The following MGAT4D variants were observed in gnomAD, a reference collection of about 807,000 sequenced individuals.
MGAT4D encodes MGAT4 family member D, also known as alpha-1,3-mannosyl-glycoprotein 4-beta-N-acetylglucosaminyltransferase-like protein MGAT4D.
Under a neutral mutation model 15.9 loss-of-function variants are expected in MGAT4D, and 34 were observed. The ratio of observed to expected loss-of-function variants is 2.14; its 90% CI spans 1.62 to 2.84. The LOEUF (loss-of-function observed/expected upper bound fraction) is 2.84. Ranked by LOEUF, MGAT4D falls within the 30% of genes most tolerant of loss-of-function variation. The probability of loss-of-function intolerance (pLI) is 0.00; values close to 1 mark genes in which losing one functional copy is unlikely to be tolerated. For synonymous variants in MGAT4D, 112 were observed against 48.2 expected, an observed-to-expected ratio of 2.33 and a Z score of -5.49; for missense variants, 327 against 140.2, an observed-to-expected ratio of 2.33 and a Z score of -6.73.
At chr4:140,477,287 G>C (rs1173608766) in intron 3 of MGAT4D, among the ~76,000 whole-genome samples, 2 of 151,996 alleles carry the variant, frequency 1.3e-5, no homozygotes, top group African/African-American at 4.8e-5. Context: ...GCTTCACCCT[G>C]GTATTTCCCT....
intron 1 of MGAT4D, among the ~76,000 whole-genome samples, chr4:140,495,902 T>C (rs1333613255): frequency 6.6e-6 from 1 of 152,044 alleles, no homozygotes; most frequent in African/African-American, 2.4e-5. Flanking sequence ...GCCCAGCTAA[T>C]TTTTGTATTT....
Position 140,486,715 on chromosome 4 carries a change from G to A in MGAT4D, c.95-4230C>T, listed in dbSNP as rs186543495. On this transcript the variant is annotated intron_variant, in intron 1 of 10. Transcript: ENST00000511113. ...ATAGTTCTTATACAAATATATGCTC[G>A]ATGAATAAATAATGAAATGAATGGA... 6.7e-4 allele frequency among the ~76,000 whole-genome samples: 102 copies of A among 152,286 alleles called. No individual in the cohort carries two copies. The East Asian group carries it at 0.017, about 26-fold the overall frequency.
intron 3 of MGAT4D, among the ~76,000 whole-genome samples, chr4:140,477,271 A>G (rs933746426): frequency 3.3e-5 from 5 of 152,102 alleles, no homozygotes; most frequent in Middle Eastern, 3.2e-3. Context: ...ATAGCATAGG[A>G]TTTTGGCTTC....
intron 9 of MGAT4D, among the ~76,000 whole-genome samples, chr4:140,451,926 G>A (rs1370014102): frequency 6.7e-6 from 1 of 149,264 alleles, no homozygotes; most frequent in Admixed American, 6.7e-5. Context: ...TTCTTAGAGA[G>A]TAAAAAATAT....
At chr4:140,445,670 T>C (rs902558349) in intron 10 of MGAT4D, among the ~76,000 whole-genome samples, 12 of 152,222 alleles carry the variant, frequency 7.9e-5, no homozygotes, top group South Asian at 2.1e-4. Flanking sequence ...AGGTTTTACA[T>C]TTAAGGCTTT....
rs115307205 is a variant in MGAT4D at position 140,460,897 on chromosome 4, G to A, written c.762+1032C>T. Reference sequence around the variant, plus strand: ...CATAGCTAAGACTAAGTAGCTTTATGCTTGTGATGAAAGGTGCCACGTTCT... The same window carrying A: ...CATAGCTAAGACTAAGTAGCTTTATACTTGTGATGAAAGGTGCCACGTTCT... On this transcript the variant is annotated intron_variant, in intron 7 of 10. Transcript: ENST00000511113. Among the ~76,000 whole-genome samples the A allele has an allele frequency of 4.4e-3, 667 of 152,272 alleles. 4 individuals are homozygous for A. The highest frequency in any genetic ancestry group is 0.01 in the Middle Eastern group (3 of 294).
At position 140,491,337 on chromosome 4, in the gene MGAT4D, A is replaced by AAG. The variant is rs371005355; in HGVS notation, c.94+6790_94+6791dup. ...GAGGGTGTTTCCCTTCCATCAAGGG[A>AAG]AGAGAGATCCCCAAGAAATAAAGTT... is the stretch of plus-strand genomic sequence containing the variant. On this transcript the variant is annotated intron_variant, in intron 1 of 10. Coordinates refer to ENST00000511113, the MANE Select transcript of MGAT4D (RefSeq NM_001277353.2). Among the ~76,000 whole-genome samples the AAG allele has an allele frequency of 1.7e-3, 264 of 152,244 alleles. 2 individuals carry two copies. The highest frequency in any genetic ancestry group is 3.3e-3 in the Admixed American group (50 of 15,286).
intron 9 of MGAT4D, among the ~76,000 whole-genome samples, chr4:140,452,512 A>T (rs1488377211): frequency 6.6e-6 from 1 of 152,106 alleles, no homozygotes; most frequent in Non-Finnish European, 1.5e-5. Context: ...CCTCAAAACA[A>T]CCTGTTGATA....
intron 5 of MGAT4D, among the ~76,000 whole-genome samples, chr4:140,466,847 G>A (rs1470272370): frequency 6.6e-6 from 1 of 152,062 alleles, no homozygotes; most frequent in Non-Finnish European, 1.5e-5. Flanking sequence ...GTTTTATAAT[G>A]GGTATGTATC....
At chr4:140,450,505 A>T (rs1730405072) in intron 10 of MGAT4D, among the ~76,000 whole-genome samples, 1 of 152,172 alleles carries the variant, frequency 6.6e-6, no homozygotes, top group South Asian at 2.1e-4. Flanking sequence ...CATTTTCTTT[A>T]TTGGATTCCA....
At chr4:140,495,456 C>T (rs925054372) in intron 1 of MGAT4D, among the ~76,000 whole-genome samples, 3 of 152,304 alleles carry the variant, frequency 2.0e-5, no homozygotes, top group Middle Eastern at 3.4e-3. Context: ...GTGCCTACAA[C>T]ATGAATAGGT....
chr4:140,477,773 G>T (rs1307323602), intron 3 of MGAT4D, among the ~76,000 whole-genome samples: 1 of 152,224 alleles, frequency 6.6e-6, no homozygotes, highest in Non-Finnish European at 1.5e-5. Context: ...AGTCAAGTAT[G>T]ATCAGTGATG....
At chr4:140,492,147 G>A (rs541861015) in intron 1 of MGAT4D, among the ~76,000 whole-genome samples, 2 of 152,066 alleles carry the variant, frequency 1.3e-5, no homozygotes, top group African/African-American at 2.4e-5. Context: ...GTTGCCTTGT[G>A]GGGGGGAAAA....
intron 10 of MGAT4D, chr4:140,450,073 T>C: frequency 2.9e-6 from 1 of 347,568 alleles, no homozygotes. Context: ...AAAGAATGAT[T>C]TTGATACTTT....
At chr4:140,465,083 A>G in intron 5 of MGAT4D, 74 bp from the exon 6 acceptor site, 1 of 620,692 alleles carries the variant, frequency 1.6e-6, no homozygotes, top group South Asian at 2.0e-5. Context: ...CTTAAAAATA[A>G]TTTTCTTATG....
At chr4:140,484,975 T>C (rs1733004049) in intron 1 of MGAT4D, among the ~76,000 whole-genome samples, 2 of 152,164 alleles carry the variant, frequency 1.3e-5, no homozygotes, top group South Asian at 4.1e-4. Context: ...AGTTCAACCA[T>C]TGTGGAAGTC....
intron 1 of MGAT4D, among the ~76,000 whole-genome samples, chr4:140,487,507 G>T (rs185962253): frequency 1.4e-4 from 21 of 152,050 alleles, no homozygotes; most frequent in Non-Finnish European, 2.8e-4. Context: ...GAAAAGAAAC[G>T]AATGAAACAA....
chr4:140,489,950 A>G (rs533320009), intron 1 of MGAT4D, among the ~76,000 whole-genome samples: 14 of 152,280 alleles, frequency 9.2e-5, no homozygotes, highest in African/African-American at 3.1e-4. Flanking sequence ...AAGGCTGTAC[A>G]CTCATTTCAA....
intron 3 of MGAT4D, among the ~76,000 whole-genome samples, chr4:140,477,148 A>G (rs969992186): frequency 6.6e-6 from 1 of 151,886 alleles, no homozygotes; most frequent in Non-Finnish European, 1.5e-5. Flanking sequence ...CTTTTCCTCT[A>G]TCTGGATGAC....
Sources: gnomAD v4.1 joint callset for allele counts (sites outside exome capture counted in the v4.1 genomes callset) on GRCh38, gnomAD v4.1.1 for gene constraint, MANE v1.5 for transcripts, NCBI Gene and HGNC (gene_info 2026-07-23, HGNC 2026-07-21) for gene names.